Variants in POLN observed in about 807,000 individuals in gnomAD.
The protein encoded by POLN is DNA polymerase nu, also known as DNA polymerase N.
A neutral mutation model predicts 113.5 loss-of-function variants in POLN; 108 were observed. The observed-to-expected ratio is 0.95, with a 90% confidence interval of 0.81 to 1.12. The LOEUF (loss-of-function observed/expected upper bound fraction) is 1.12. Among genes scored for constraint, POLN ranks in the 50% most tolerant of loss-of-function variants. The pLI, the probability that POLN is intolerant of heterozygous loss-of-function variation, is 0.00. For missense variants in POLN, 1,097 were observed against 1,077.1 expected (o/e 1.02, Z -0.26); for synonymous variants, 386 against 391.5 (o/e 0.99, Z 0.17).
chr4:2,108,484 G>C (rs1731120585), intron 19 of POLN, among the ~76,000 whole-genome samples: 1 of 152,196 alleles, frequency 6.6e-6, no homozygotes, highest in African/African-American at 2.4e-5. Flanking sequence ...AGAATAAAAA[G>C]AGGGAGAGAA....
At chr4:2,142,242 C>G (rs1732020575) in intron 16 of POLN, among the ~76,000 whole-genome samples, 1 of 152,206 alleles carries the variant, frequency 6.6e-6, no homozygotes, top group Non-Finnish European at 1.5e-5. Flanking sequence ...TAGTTGAAAG[C>G]CAGAGCTGAA....
In POLN at chr4:2,156,374, GC is replaced by G. The variant is rs1157558437; in HGVS notation, c.1731+413del. The G allele has an allele frequency of 2.5e-5, 9 of 363,016 alleles. No individual in the cohort carries two copies. In the East Asian group the frequency reaches 5.5e-4, roughly 22 times the overall value. 22.5% of individuals were successfully genotyped at this position (363,016 alleles called of 1,614,324 possible). On this transcript the variant is annotated intron_variant, in intron 16 of 25. Transcript: ENST00000511885. ...CATCATAAGTTCAAGGGAATTTAGA[GC>G]TTTTTTTTTTTTTTTCTTCATCAGA...
Position 2,241,003 on chromosome 4 carries a change from A to G in POLN, c.-13+517T>C. 5 of 1,321,860 alleles carry G rather than the reference A, an allele frequency of 3.8e-6. No homozygotes were observed. In the South Asian group the frequency reaches 6.5e-5, roughly 17 times the overall value. 81.9% of individuals were successfully genotyped at this position (1,321,860 alleles called of 1,614,324 possible). On this transcript the variant is annotated intron_variant, in intron 2 of 25. Coordinates refer to ENST00000511885, the MANE Select transcript of POLN (RefSeq NM_181808.4). The stretch of plus-strand genomic sequence containing the variant: ...ATATGGGTTTACGGTGTTGATTTTT[A>G]GAAAATAAATCCAAGCAGAAAAAAA...
chr4:2,141,985 C>A (rs1326893305), intron 16 of POLN, among the ~76,000 whole-genome samples: 1 of 152,176 alleles, frequency 6.6e-6, no homozygotes, highest in Non-Finnish European at 1.5e-5. Flanking sequence ...CTTGGTTCTG[C>A]TCTCATGCTC....
intron 7 of POLN, among the ~76,000 whole-genome samples, chr4:2,185,957 C>A (rs1012984340): frequency 6.6e-6 from 1 of 152,172 alleles, no homozygotes; most frequent in Non-Finnish European, 1.5e-5. Flanking sequence ...CGGCTTCACT[C>A]TCCTTCACAG....
chr4:2,168,294 G>A (rs1245475303), intron 13 of POLN, among the ~76,000 whole-genome samples: 1 of 152,202 alleles, frequency 6.6e-6, no homozygotes, highest in East Asian at 1.9e-4. Flanking sequence ...GAGGGGACAG[G>A]CGCTGGGGTG....
rs1463758992 is a variant in POLN at position 2,208,473 on chromosome 4, T to C, written c.228A>G (p.Leu76=). 1.3e-6 allele frequency: 2 copies of C among 1,546,174 alleles called. No individual in the cohort carries two copies. Among genetic ancestry groups the C allele is most frequent in the African/African-American group, 1.4e-5 (1 of 72,124 alleles). The part of the protein sequence containing the change: ...QSPEKKDLKS[L]RSQTSRGSAK... ...CAGAACCTCTTGATGTCTGACTTCT[T>C]AAAGATTTAAGATCCTACAGAAAAA... Residue 76 remains leucine (L), a synonymous_variant, in exon 5 of 26, where the codon TTA becomes TTG. Coordinates refer to ENST00000511885, the MANE Select transcript of POLN (RefSeq NM_181808.4).
intron 23 of POLN, among the ~76,000 whole-genome samples, chr4:2,077,408 G>A (rs1163017420): frequency 6.6e-6 from 1 of 152,238 alleles, no homozygotes; most frequent in Non-Finnish European, 1.5e-5. Context: ...GGCCCAGACA[G>A]CGGTACACTG....
chr4:2,150,869 C>A (rs756138385), intron 16 of POLN, among the ~76,000 whole-genome samples: 2 of 152,078 alleles, frequency 1.3e-5, no homozygotes, highest in Non-Finnish European at 2.9e-5. Context: ...AACTATAATA[C>A]GTCTAGAAAA....
Position 2,077,465 on chromosome 4 carries a change from C to T in POLN, c.2388-1946G>A, listed in dbSNP as rs114412982. Among the ~76,000 whole-genome samples the T allele has an allele frequency of 7.8e-3, 1,194 of 152,244 alleles. 24 individuals carry two copies. Among genetic ancestry groups the T allele is most frequent in the African/African-American group, 0.026 (1,096 of 41,536 alleles). ...CTGCCCCCAGGGAGGGGGAGGTGGG[C>T]CTGTGCTTCATGTGCAGCCTCTGGC... is the stretch of plus-strand genomic sequence containing the variant. On this transcript the variant is annotated intron_variant, in intron 23 of 25. Transcript: ENST00000511885.
intron 11 of POLN, among the ~76,000 whole-genome samples, chr4:2,172,305 G>A (rs1257396969): frequency 6.6e-6 from 1 of 152,158 alleles, no homozygotes; most frequent in East Asian, 1.9e-4. Flanking sequence ...CAACATCCTG[G>A]AAAACAGCTA....
At chr4:2,128,016 T>C (rs1731626567) in intron 19 of POLN, 97 bp downstream of exon 19, 1 of 763,710 alleles carries the variant, frequency 1.3e-6, no homozygotes, top group Admixed American at 2.7e-5. Flanking sequence ...AAATATAATT[T>C]CTGCCTTATG....
At chr4:2,224,882 G>A (rs751820889) in intron 3 of POLN, among the ~76,000 whole-genome samples, 20 of 152,028 alleles carry the variant, frequency 1.3e-4, no homozygotes, top group Non-Finnish European at 2.2e-4. Context: ...ACTGGGAGGT[G>A]GAGGTTGCAG....
At chr4:2,156,079 G>A (rs573537394) in intron 16 of POLN, among the ~76,000 whole-genome samples, 8 of 152,138 alleles carry the variant, frequency 5.3e-5, no homozygotes, top group South Asian at 4.1e-4. Flanking sequence ...ATGATCCACC[G>A]CCTCGGCCTC....
intron 3 of POLN, among the ~76,000 whole-genome samples, chr4:2,222,710 T>A (rs1225251121): frequency 6.7e-6 from 1 of 148,816 alleles, no homozygotes. Flanking sequence ...TTTTTTTTTT[T>A]TTATTTTTCC....
chr4:2,108,516 G>A (rs1403461930), intron 19 of POLN, among the ~76,000 whole-genome samples: 1 of 152,184 alleles, frequency 6.6e-6, no homozygotes, highest in Non-Finnish European at 1.5e-5. Flanking sequence ...ACAGAAAGGA[G>A]GATATCCACA....
chr4:2,161,756 C>T (rs555346693), intron 13 of POLN, among the ~76,000 whole-genome samples: 1 of 152,226 alleles, frequency 6.6e-6, no homozygotes, highest in African/African-American at 2.4e-5. Context: ...ACGTGGAGCA[C>T]CTTTATGTCT....
intron 7 of POLN, among the ~76,000 whole-genome samples, chr4:2,190,023 CAAAA>C (rs58730240): frequency 5.3e-4 from 46 of 86,154 alleles, no homozygotes; most frequent in Admixed American, 2.2e-3. Context: ...GACTCCATCT[CAAAA>C]AAAAAAAAAA....
intron 21 of POLN, 40 bp downstream of exon 21, chr4:2,085,573 G>A (rs1727009224): frequency 6.2e-7 from 1 of 1,610,580 alleles, no homozygotes; most frequent in Non-Finnish European, 8.5e-7. Context: ...CCCACAGAGG[G>A]TTGGCAGGGA....
Sources: gnomAD v4.1 joint callset for allele counts (sites outside exome capture counted in the v4.1 genomes callset) on GRCh38, gnomAD v4.1.1 for gene constraint, MANE v1.5 for transcripts, NCBI Gene and HGNC (gene_info 2026-07-23, HGNC 2026-07-21) for gene names.